The following DENND5B variants were observed in gnomAD, a reference collection of about 807,000 sequenced individuals.
DENND5B encodes DENN domain containing 5B.
DENND5B carries 34 observed loss-of-function variants against 140.6 expected under a neutral mutation model. The observed-to-expected ratio is 0.24, with a 90% CI of 0.18 to 0.32. The LOEUF (loss-of-function observed/expected upper bound fraction) is 0.32. Among genes scored for constraint, DENND5B ranks in the 10% least tolerant of loss-of-function variants. The pLI is 1.00. For missense variants in DENND5B, 1,142 were observed against 1,560.2 expected, an observed-to-expected ratio of 0.73 and a Z score of 4.52; for synonymous variants, 551 against 562.1, an observed-to-expected ratio of 0.98 and a Z score of 0.28.
At chr12:31,456,542 CCT>C (rs1944787033) in intron 4 of DENND5B, among the ~76,000 whole-genome samples, 1 of 152,172 alleles carries the variant, frequency 6.6e-6, no homozygotes, top group Admixed American at 6.5e-5. Context: ...GCAGAAATCA[CCT>C]CTTTTTGACT....
chr12:31,453,690 G>C (rs1333924641), intron 4 of DENND5B, among the ~76,000 whole-genome samples: 2 of 152,130 alleles, frequency 1.3e-5, no homozygotes, highest in Non-Finnish European at 2.9e-5. Context: ...CAGGCACCAA[G>C]GGGAAAATTC....
At chr12:31,429,951 C>T (rs553268717) in intron 8 of DENND5B, among the ~76,000 whole-genome samples, 1 of 151,938 alleles carries the variant, frequency 6.6e-6, no homozygotes, top group South Asian at 2.1e-4. Flanking sequence ...AAATGATCTC[C>T]CCACCTCAGC....
At chr12:31,533,250 A>G (rs1472359906) in intron 1 of DENND5B, among the ~76,000 whole-genome samples, 1 of 152,170 alleles carries the variant, frequency 6.6e-6, no homozygotes, top group Non-Finnish European at 1.5e-5. Flanking sequence ...AAATATTTGA[A>G]GAAAAAAAAA....
At chr12:31,473,976 C>T (rs182813239) in intron 3 of DENND5B, among the ~76,000 whole-genome samples, 5 of 152,288 alleles carry the variant, frequency 3.3e-5, no homozygotes, top group Non-Finnish European at 7.4e-5. Context: ...AGTTGACCAG[C>T]AAAGTACTGT....
chr12:31,552,947 T>A (rs908839202), intron 1 of DENND5B, among the ~76,000 whole-genome samples: 1 of 152,044 alleles, frequency 6.6e-6, no homozygotes, highest in African/African-American at 2.4e-5. Flanking sequence ...CCTATTTGAT[T>A]CTTCTTTTCT....
chr12:31,589,798 C>A (rs748826696), intron 1 of DENND5B: 6 of 152,098 alleles, frequency 3.9e-5, no homozygotes, highest in Admixed American at 1.3e-4. Context: ...AAGGAACAGG[C>A]GTGAAAAATG....
intron 1 of DENND5B, among the ~76,000 whole-genome samples, chr12:31,582,357 T>C (rs938080719): frequency 3.5e-4 from 54 of 152,326 alleles, no homozygotes; most frequent in African/African-American, 1.3e-3. Context: ...CTTCTGACTG[T>C]GCATTCAGCT....
intron 1 of DENND5B, among the ~76,000 whole-genome samples, chr12:31,533,772 T>C (rs1463157479): frequency 2.6e-5 from 4 of 152,182 alleles, no homozygotes; most frequent in East Asian, 1.9e-4. Flanking sequence ...ATCCACAGAA[T>C]TGTGTGAACT....
Position 31,413,583 on chromosome 12 carries a change from A to G in DENND5B, c.2553-19T>C. 6.2e-7 allele frequency: 1 copy of G among 1,604,336 alleles called. No individual in the cohort carries two copies. Among genetic ancestry groups the G allele is most frequent in the Non-Finnish European group, 8.5e-7 (1 of 1,173,428 alleles). On this transcript the variant is annotated intron_variant, in intron 12 of 20. Coordinates refer to ENST00000389082, the MANE Select transcript of DENND5B (RefSeq NM_144973.4). ...AATATGCCTAAAGAATAGTGGCAAC[A>G]GCAAAGATGTAGATTTTAAGGATAA...
rs948987781 is a variant in DENND5B, at chr12:31,444,463, C to T, written c.1862-1538G>A. On this transcript the variant is annotated intron_variant, in intron 6 of 20. Transcript: ENST00000389082. ...TTCACCACATTGGCCAGGCTGGTCTCGAACCCATGACCCCAGATGATCTGC... is the reference window on the plus strand; with the variant it reads ...TTCACCACATTGGCCAGGCTGGTCTTGAACCCATGACCCCAGATGATCTGC... 2.6e-5 allele frequency among the ~76,000 whole-genome samples: 4 copies of T among 152,212 alleles called. No homozygotes were observed. In the East Asian group the frequency reaches 7.7e-4, roughly 29 times the overall value.
chr12:31,489,835 A>T (rs773494680), intron 2 of DENND5B, among the ~76,000 whole-genome samples: 44 of 152,324 alleles, frequency 2.9e-4, no homozygotes, highest in Non-Finnish European at 1.8e-4. Context: ...CAGCTTCTCT[A>T]TATAAATGTT....
At chr12:31,402,948 A>C (rs768776907) in intron 14 of DENND5B, among the ~76,000 whole-genome samples, 4 of 152,210 alleles carry the variant, frequency 2.6e-5, no homozygotes, top group Non-Finnish European at 5.9e-5. Context: ...AGAATACCTA[A>C]AGATGTGAAC....
intron 17 of DENND5B, among the ~76,000 whole-genome samples, chr12:31,397,791 T>A (rs933246610): frequency 1.4e-5 from 2 of 143,458 alleles, no homozygotes; most frequent in African/African-American, 5.0e-5. Flanking sequence ...AGGTGTGATG[T>A]TGTGTGCCTG....
chr12:31,552,890 T>TTTCTGTGGGA (rs1949128224), intron 1 of DENND5B, among the ~76,000 whole-genome samples: 2 of 152,226 alleles, frequency 1.3e-5, no homozygotes, highest in African/African-American at 4.8e-5. Context: ...GTAGTTTGTA[T>TTTCTGTGGGA]TTCTGTGGGA....
chr12:31,402,467 T>C lies in DENND5B; in HGVS notation c.2949+31A>G. The C allele has an allele frequency of 4.4e-6, 7 of 1,591,664 alleles. No individual in the cohort carries two copies. In the South Asian group the frequency reaches 7.0e-5, roughly 16 times the overall value. On this transcript the variant is annotated intron_variant, in intron 15 of 20. Transcript: ENST00000389082. ...CATCTGTAAAACTACACGTGATACATTCTTCTAGGAAAGGTATTAGCTGAA... is the reference window on the plus strand; with the variant it reads ...CATCTGTAAAACTACACGTGATACACTCTTCTAGGAAAGGTATTAGCTGAA...
At position 31,590,959 on chromosome 12, in the gene DENND5B, GCGCAGCCGCCTCTCGCCGC is replaced by G. The variant is rs1950599782; in HGVS notation, c.-146_-128del. ...GGGCGACACTGGCGCGCCCATGGCC[GCGCAGCCGCCTCTCGCCGC>G]CGCAGCCTGCCTCCTCGCTCGGCGC... On this transcript the variant is annotated 5_prime_UTR_variant, in exon 1 of 21. Transcript: ENST00000389082. 5.5e-5 allele frequency: 57 copies of G among 1,037,032 alleles called. No homozygotes were observed. The highest frequency in any genetic ancestry group is 6.5e-5 in the Non-Finnish European group (55 of 849,182). 64.2% of individuals were successfully genotyped at this position (1,037,032 alleles called of 1,614,324 possible). A position where few individuals can be genotyped will look rare whatever the true frequency, so the allele number is the denominator to read the frequency against.
intron 1 of DENND5B, among the ~76,000 whole-genome samples, chr12:31,523,218 C>T (rs1422725330): frequency 6.6e-6 from 1 of 152,020 alleles, no homozygotes; most frequent in Admixed American, 6.6e-5. Flanking sequence ...ACCACCACAC[C>T]TGCCTGGCTA....
rs531936311 is a variant in DENND5B at position 31,540,723 on chromosome 12, C to T, written c.128-44804G>A. 2.8e-3 allele frequency among the ~76,000 whole-genome samples: 362 copies of T among 130,500 alleles called. 1 individual carries two copies. Among genetic ancestry groups the T allele is most frequent in the African/African-American group, 0.01 (351 of 34,420 alleles). The allele number at this position is 130,500 out of a possible 152,430, so 85.6% of individuals were successfully genotyped here. ...AAACAAACCTAAAATTTACATGGAA[C>T]CACAAAAGACCCAGAATAGCCAAAG... On this transcript the variant is annotated intron_variant, in intron 1 of 20. Transcript: ENST00000389082.
At chr12:31,448,311 AT>A (rs1268579050) in intron 5 of DENND5B, among the ~76,000 whole-genome samples, 1 of 151,364 alleles carries the variant, frequency 6.6e-6, no homozygotes, top group African/African-American at 2.4e-5. Context: ...ATTTTTTTGA[AT>A]TTTTAGTAGA....
Sources: gnomAD v4.1 joint callset for allele counts (sites outside exome capture counted in the v4.1 genomes callset) on GRCh38, gnomAD v4.1.1 for gene constraint, MANE v1.5 for transcripts, NCBI Gene and HGNC (gene_info 2026-07-23, HGNC 2026-07-21) for gene names.